SH3TC2: variants seen among roughly 807,000 people sequenced by gnomAD.
The protein encoded by SH3TC2 is SH3 domain and tetratricopeptide repeat-containing protein 2.
Under a neutral mutation model 124.5 loss-of-function variants are expected in SH3TC2, and 87 were observed. The ratio of observed to expected loss-of-function variants is 0.70; its 90% CI spans 0.59 to 0.84. SH3TC2 has a LOEUF of 0.84. SH3TC2 is among the 40% of genes least tolerant of loss of function. SH3TC2 has a pLI of 0.00. For synonymous variants in SH3TC2, 634 were observed against 628.5 expected (o/e 1.01, Z -0.13); for missense variants, 1,536 against 1,566.4 (o/e 0.98, Z 0.33).
rs971204904 is a variant in SH3TC2 at position 148,997,307 on chromosome 5, C to G, written c.*7404G>C. Among the ~76,000 whole-genome samples the G allele has an allele frequency of 1.3e-5, 2 of 152,200 alleles. No individual in the cohort carries two copies. Among genetic ancestry groups the G allele is most frequent in the African/African-American group, 4.8e-5 (2 of 41,452 alleles). On this transcript the variant is annotated 3_prime_UTR_variant, in exon 17 of 17. Coordinates refer to ENST00000515425, the MANE Select transcript of SH3TC2 (RefSeq NM_024577.4). Reference sequence around the variant, plus strand: ...AAGTTTCCCTCATTCACCTCACTCCCAACCTGGAATCTTCTTCAAAACATA... The same window carrying G: ...AAGTTTCCCTCATTCACCTCACTCCGAACCTGGAATCTTCTTCAAAACATA...
chr5:149,007,432 A>G (rs1459043090), intron 15 of SH3TC2: 1 of 529,344 alleles, frequency 1.9e-6, no homozygotes, highest in Non-Finnish European at 3.4e-6. Flanking sequence ...CAGGATTCTG[A>G]GAAAGAATTC....
Position 148,996,528 on chromosome 5 carries a change from T to G in SH3TC2, c.*8183A>C, listed in dbSNP as rs2127389364. 6.6e-6 allele frequency among the ~76,000 whole-genome samples: 1 copy of G among 152,334 alleles called. No individual in the cohort carries two copies. On this transcript the variant is annotated 3_prime_UTR_variant, in exon 17 of 17. Transcript: ENST00000515425. ...TTTGTTTTATGAATAAGTAGCTTTT[T>G]GGTCACCAGGATTACCACGCAGCTG... is the stretch of plus-strand genomic sequence containing the variant.
chr5:149,061,259 G>A (rs1417779391), intron 1 of SH3TC2, among the ~76,000 whole-genome samples: 6 of 152,076 alleles, frequency 3.9e-5, no homozygotes, highest in East Asian at 3.8e-4. Context: ...TTTCAGCTGC[G>A]TAACTCTGTT....
At chr5:149,007,522 T>C (rs1753710735) in intron 15 of SH3TC2, 1 of 293,280 alleles carries the variant, frequency 3.4e-6, no homozygotes, top group African/African-American at 2.1e-5. Context: ...TCACTCTGTA[T>C]AATAAATGTC....
Position 149,027,471 on chromosome 5 carries a change from C to G in SH3TC2, c.2261G>C (p.Ser754Thr). Residue 754 changes from serine to threonine, a missense_variant, in exon 11 of 17, where the codon AGC becomes ACC. This residue lies in a region of SH3TC2 where 1,102 missense variants were observed against 1,098.6 expected (regional missense o/e 1.00). Transcript: ENST00000515425. ...LAACEELADR[S>T]TQRALCLILS... ...GATGAGACACAGGGCCCTCTGGGTG[C>G]TCCGGTCTGCTAGTTCCTCACAGGC... The G allele has an allele frequency of 6.2e-7, 1 of 1,614,206 alleles. No homozygotes were observed. Among genetic ancestry groups the G allele is most frequent in the Non-Finnish European group, 8.5e-7 (1 of 1,180,044 alleles).
chr5:149,041,045 T>A (rs1754360385), intron 6 of SH3TC2, among the ~76,000 whole-genome samples: 1 of 152,180 alleles, frequency 6.6e-6, no homozygotes, highest in South Asian at 2.1e-4. Flanking sequence ...TAAACTTTAG[T>A]GTGAAAAGCA....
intron 12 of SH3TC2, among the ~76,000 whole-genome samples, chr5:149,022,975 C>T (rs560997486): frequency 5.9e-5 from 9 of 152,292 alleles, no homozygotes; most frequent in African/African-American, 2.2e-4. Context: ...GATGGTTACA[C>T]AACTGTGTGA....
chr5:149,038,370 A>G lies in SH3TC2; in HGVS notation c.926T>C (p.Ile309Thr), dbSNP rs1754317366. The G allele has an allele frequency of 1.2e-6, 2 of 1,614,220 alleles. No homozygotes were observed. The highest frequency in any genetic ancestry group is 2.2e-5 in the East Asian group (1 of 44,884). Residue 309 changes from isoleucine to threonine, a missense_variant, in exon 8 of 17, where the codon ATT becomes ACT. This residue lies in a region of SH3TC2 where 1,102 missense variants were observed against 1,098.6 expected (regional missense o/e 1.00). Transcript: ENST00000515425. ...GFVIPGLQWF[I>T]GKSTSSGQVG... ...TTGTCCTGAACTTGTCGACTTTCCA[A>G]TGAACCACTGAAGCCCAGGTATGAC...
chr5:149,023,703 T>C (rs1580897748), intron 12 of SH3TC2, among the ~76,000 whole-genome samples: 1 of 151,064 alleles, frequency 6.6e-6, no homozygotes, highest in Non-Finnish European at 1.5e-5. Context: ...CTGCCTCAGC[T>C]TCCCAAGTAG....
chr5:148,987,238 T>G lies in SH3TC2; in HGVS notation c.*17473A>C, dbSNP rs1753347034. Among the ~76,000 whole-genome samples, 1 of 152,260 alleles carries G rather than the reference T, an allele frequency of 6.6e-6. No homozygotes were observed. Among genetic ancestry groups the G allele is most frequent in the Admixed American group, 6.5e-5 (1 of 15,290 alleles). On this transcript the variant is annotated 3_prime_UTR_variant, in exon 17 of 17. Transcript: ENST00000515425. ...AGCACATTTTTGCCAATGGTCTTTGTTCTGAACAAAGATTGGTTCTATCTG... is the reference window on the plus strand; with the variant it reads ...AGCACATTTTTGCCAATGGTCTTTGGTCTGAACAAAGATTGGTTCTATCTG...
intron 5 of SH3TC2, among the ~76,000 whole-genome samples, chr5:149,042,344 G>A (rs1754385659): frequency 6.6e-6 from 1 of 152,178 alleles, no homozygotes; most frequent in Non-Finnish European, 1.5e-5. Flanking sequence ...AGGGTTTCTC[G>A]ATTTTGGGTA....
chr5:149,029,161 C>A (rs1171143187), intron 9 of SH3TC2, among the ~76,000 whole-genome samples: 1 of 152,206 alleles, frequency 6.6e-6, no homozygotes, highest in Non-Finnish European at 1.5e-5. Context: ...TGCTGCCTCC[C>A]ACTTCTAAAT....
chr5:149,010,227 C>T (rs759587718), intron 14 of SH3TC2, 43 bp downstream of exon 14: 15 of 1,613,754 alleles, frequency 9.3e-6, no homozygotes, highest in Non-Finnish European at 1.3e-5. Context: ...TTCCCATGCC[C>T]GTGCCAGGAC....
Position 149,048,367 on chromosome 5 carries a change from C to T in SH3TC2, c.152-378G>A, listed in dbSNP as rs544793591. On this transcript the variant is annotated intron_variant, in intron 2 of 16. Coordinates refer to ENST00000515425, the MANE Select transcript of SH3TC2 (RefSeq NM_024577.4). The stretch of plus-strand genomic sequence containing the variant: ...AAGTTTAGAATCAATAGGACTTTAT[C>T]CATATTTAAGGAAATGTACTTATGT... 3.9e-5 allele frequency among the ~76,000 whole-genome samples: 6 copies of T among 152,178 alleles called. No individual in the cohort carries two copies. The South Asian group carries it at 1.2e-3, about 31-fold the overall frequency.
Position 149,014,078 on chromosome 5 carries a change from G to C in SH3TC2, c.3054-1344C>G, listed in dbSNP as rs115916779. Among the ~76,000 whole-genome samples the C allele has an allele frequency of 2.5e-3, 379 of 152,260 alleles. 1 individual carries two copies. Among genetic ancestry groups the C allele is most frequent in the African/African-American group, 8.7e-3 (363 of 41,522 alleles). On this transcript the variant is annotated intron_variant, in intron 12 of 16. Coordinates refer to ENST00000515425, the MANE Select transcript of SH3TC2 (RefSeq NM_024577.4). ...TTACATATGTTTGCACAGTACATTA[G>C]GGGGAGATCCAAGGCCAGAACTCCC... is the stretch of plus-strand genomic sequence containing the variant.
intron 13 of SH3TC2, among the ~76,000 whole-genome samples, chr5:149,011,562 T>C (rs1323224724): frequency 6.6e-6 from 1 of 152,238 alleles, no homozygotes; most frequent in African/African-American, 2.4e-5. Context: ...TCAGCCTCTC[T>C]GAGCTTCCTC....
At position 148,990,495 on chromosome 5, in the gene SH3TC2, TC is replaced by T. The variant is rs1753404616; in HGVS notation, c.*14215del. On this transcript the variant is annotated 3_prime_UTR_variant, in exon 17 of 17. Coordinates refer to ENST00000515425, the MANE Select transcript of SH3TC2 (RefSeq NM_024577.4). Reference sequence around the variant, plus strand: ...AAGCCAAGTCAGGAGCAAAAGGAGATCAGAGCAGCTTGGTGGCGAACAGCAT... The same window carrying T: ...AAGCCAAGTCAGGAGCAAAAGGAGATAGAGCAGCTTGGTGGCGAACAGCAT... Among the ~76,000 whole-genome samples, 1 of 152,090 alleles carries T rather than the reference TC, an allele frequency of 6.6e-6. No homozygotes were observed. The highest frequency in any genetic ancestry group is 2.4e-5 in the African/African-American group (1 of 41,392).
At chr5:149,018,547 C>T (rs1039025822) in intron 12 of SH3TC2, among the ~76,000 whole-genome samples, 6 of 152,100 alleles carry the variant, frequency 3.9e-5, no homozygotes, top group African/African-American at 1.2e-4. Flanking sequence ...TGTTATAAAA[C>T]CATCAGATCG....
rs200607636 is a variant in SH3TC2, at chr5:148,998,095, T to C, written c.*6616A>G. Among the ~76,000 whole-genome samples, 11 of 152,270 alleles carry C rather than the reference T, an allele frequency of 7.2e-5. No homozygotes were observed. In the East Asian group the frequency reaches 2.1e-3, roughly 29 times the overall value. ...GAAATTCATTTGGTGAGTCATAAATTTGATATTTTTTAACTAGAATAGAAT... is the reference window on the plus strand; with the variant it reads ...GAAATTCATTTGGTGAGTCATAAATCTGATATTTTTTAACTAGAATAGAAT... On this transcript the variant is annotated 3_prime_UTR_variant, in exon 17 of 17. Transcript: ENST00000515425.
Sources: allele counts gnomAD v4.1 joint callset (sites outside exome capture counted in the v4.1 genomes callset), GRCh38; gene constraint gnomAD v4.1.1; regional missense constraint gnomAD v4.1.1; transcripts MANE v1.5; gene names NCBI Gene and HGNC (gene_info 2026-07-23, HGNC 2026-07-21).